Variants in CYP11A1 observed in about 807,000 individuals in gnomAD.
CYP11A1 encodes the protein cytochrome P450 family 11 subfamily A member 1, also known as cholesterol side-chain cleavage enzyme, mitochondrial.
CYP11A1 carries 25 observed loss-of-function variants against 51.9 expected under a neutral mutation model. The observed-to-expected ratio is 0.48, with a 90% CI of 0.35 to 0.67. The LOEUF is 0.67. CYP11A1 is among the 30% of genes least tolerant of loss of function. The pLI, the probability that CYP11A1 is intolerant of heterozygous loss-of-function variation, is 0.00. For missense variants in CYP11A1, 578 were observed against 680.9 expected (o/e 0.85, Z 1.68); for synonymous variants, 245 against 262.1 (o/e 0.93, Z 0.63).
chr15:74,366,276 G>A (rs1449549226), intron 1 of CYP11A1: 12 of 734,816 alleles, frequency 1.6e-5, no homozygotes, highest in Middle Eastern at 8.1e-4. Flanking sequence ...TCCCTCCCCC[G>A]ATTTTTTTTT....
intron 1 of CYP11A1, among the ~76,000 whole-genome samples, chr15:74,357,284 A>G (rs183701526): frequency 3.0e-4 from 45 of 152,310 alleles, no homozygotes; most frequent in Admixed American, 5.2e-4. Flanking sequence ...CCTGGGCTGT[A>G]CTGCTGCAAG....
chr15:74,357,690 CAGAATTCTTACACA>C lies in CYP11A1; in HGVS notation c.269+9613_269+9626del, dbSNP rs564057909. The stretch of plus-strand genomic sequence containing the variant: ...CAGCTGAAGTGCAGGGCTGTGCGGT[CAGAATTCTTACACA>C]AGAGCCAGGACCGCGCCCGGCAGCC... On this transcript the variant is annotated intron_variant, in intron 1 of 8. Transcript: ENST00000268053. Among the ~76,000 whole-genome samples, 5 of 152,316 alleles carry C rather than the reference CAGAATTCTTACACA, an allele frequency of 3.3e-5. No homozygotes were observed. The South Asian group carries it at 1.0e-3, about 32-fold the overall frequency.
In CYP11A1 at chr15:74,339,757, G is replaced by A. The variant is rs375549548; in HGVS notation, c.991-4C>T. 1.4e-5 allele frequency: 23 copies of A among 1,613,960 alleles called. No individual in the cohort carries two copies. In the African/African-American group the frequency reaches 2.4e-4, roughly 17 times the overall value. On this transcript the variant is annotated splice_polypyrimidine_tract_variant and splice_region_variant and intron_variant, in intron 5 of 8. Transcript: ENST00000268053. Reference sequence around the variant, plus strand: ...GCCACTGCAGGGTCATGGACGTCTGGTGGGGAGTAGGGTATACAGAAGACC... The same window carrying A: ...GCCACTGCAGGGTCATGGACGTCTGATGGGGAGTAGGGTATACAGAAGACC...
intron 1 of CYP11A1, among the ~76,000 whole-genome samples, chr15:74,359,919 T>C (rs1253431967): frequency 6.6e-6 from 1 of 152,256 alleles, no homozygotes; most frequent in Non-Finnish European, 1.5e-5. Flanking sequence ...TGTAAGATTT[T>C]AAATTAATTG....
intron 1 of CYP11A1, among the ~76,000 whole-genome samples, chr15:74,351,705 T>C (rs968622075): frequency 1.3e-5 from 2 of 152,228 alleles, no homozygotes; most frequent in African/African-American, 4.8e-5. Context: ...CTCTCCGCAG[T>C]TGCAATGCTG....
At chr15:74,364,478 G>A (rs528500979) in intron 1 of CYP11A1, 1 of 152,166 alleles carries the variant, frequency 6.6e-6, no homozygotes, top group African/African-American at 2.4e-5. Context: ...TTTACATAAG[G>A]TGTATCTGAA....
At chr15:74,366,359 C>T in intron 1 of CYP11A1, 1 of 677,874 alleles carries the variant, frequency 1.5e-6, no homozygotes, top group Non-Finnish European at 1.8e-6. Context: ...TCTCGGCTCA[C>T]TGCAACCTCC....
intron 1 of CYP11A1, among the ~76,000 whole-genome samples, chr15:74,361,046 T>C (rs1439848295): frequency 6.6e-6 from 1 of 152,214 alleles, no homozygotes; most frequent in Non-Finnish European, 1.5e-5. Flanking sequence ...TTCTTTAAAA[T>C]TTCTGAGTCA....
chr15:74,350,587 A>C (rs886956141), intron 1 of CYP11A1, among the ~76,000 whole-genome samples: 1 of 152,254 alleles, frequency 6.6e-6, no homozygotes, highest in Non-Finnish European at 1.5e-5. Context: ...GGCAGGGAAC[A>C]TAAGGCCAAT....
intron 4 of CYP11A1, 46 bp from the exon 5 acceptor site, chr15:74,343,183 G>C (rs368933737): frequency 6.2e-7 from 1 of 1,605,874 alleles, no homozygotes; most frequent in Non-Finnish European, 8.5e-7. Context: ...CCCTGCAGGC[G>C]GGTGGGAAGG....
In CYP11A1 at chr15:74,348,067, G is replaced by A; in HGVS notation, c.270-12C>T. 2.5e-6 allele frequency: 4 copies of A among 1,613,812 alleles called. No individual in the cohort carries two copies. The highest frequency in any genetic ancestry group is 3.4e-6 in the Non-Finnish European group (4 of 1,179,900). On this transcript the variant is annotated splice_polypyrimidine_tract_variant and intron_variant, in intron 1 of 8. Transcript: ENST00000268053. Reference sequence around the variant, plus strand: ...TGCCGAGCTTCTCCCTGGAGGGGTGGGGGAGAGGGGCTGATGGAAGGATCC... The same window carrying A: ...TGCCGAGCTTCTCCCTGGAGGGGTGAGGGAGAGGGGCTGATGGAAGGATCC...
rs376845671 is a variant in CYP11A1 at position 74,338,755 on chromosome 15, A to C, written c.1250T>G (p.Val417Gly). 2.0e-5 allele frequency: 32 copies of C among 1,614,014 alleles called. No homozygotes were observed. The highest frequency in any genetic ancestry group is 5.0e-5 in the Admixed American group (3 of 60,008). ...YMIPAKTLVQ[V>G]AIYALGREPT... ...CTCTCGGCCCAGAGCATAGATGGCC[A>C]CTTGCACCAGTGTCTGGGGCAAGGT... is the stretch of plus-strand genomic sequence containing the variant. Residue 417 changes from valine to glycine, a missense_variant, in exon 8 of 9, where the codon GTG becomes GGG. Transcript: ENST00000268053.
chr15:74,367,178 CAAAAAAAAAA>C, intron 1 of CYP11A1, 129 bp downstream of exon 1: 1 of 693,270 alleles, frequency 1.4e-6, no homozygotes, highest in Non-Finnish European at 2.4e-6. Context: ...ATTGTATTAC[CAAAAAAAAAA>C]AAAAAAAAGA....
In CYP11A1 at chr15:74,345,274, G is replaced by C; in HGVS notation, c.426-31C>G. On this transcript the variant is annotated intron_variant, in intron 2 of 8. Coordinates refer to ENST00000268053, the MANE Select transcript of CYP11A1 (RefSeq NM_000781.3). This position sits in a 1 kb window ranked among gnomAD's most constrained non-coding sequence, Gnocchi z 4.3. ...AAAACATGGGCCCACAAGCCCTCATGGTCACAGACCCCAGGCCTGGTGAAC... is the reference window on the plus strand; with the variant it reads ...AAAACATGGGCCCACAAGCCCTCATCGTCACAGACCCCAGGCCTGGTGAAC... The C allele has an allele frequency of 6.2e-7, 1 of 1,612,902 alleles. No individual in the cohort carries two copies.
intron 1 of CYP11A1, chr15:74,361,341 ATTATG>A (rs756727184): frequency 8.5e-6 from 2 of 234,626 alleles, no homozygotes; most frequent in Non-Finnish European, 1.7e-5. Context: ...CACAATTATA[ATTATG>A]TTAAGTTATT....
chr15:74,349,837 T>C (rs1356005698), intron 1 of CYP11A1, among the ~76,000 whole-genome samples: 1 of 152,144 alleles, frequency 6.6e-6, no homozygotes, highest in African/African-American at 2.4e-5. Flanking sequence ...CCCAGTACTT[T>C]GGGAGGCTGA....
chr15:74,343,261 G>A, intron 4 of CYP11A1, 124 bp from the exon 5 acceptor site: 4 of 950,428 alleles, frequency 4.2e-6, no homozygotes, highest in Non-Finnish European at 6.7e-6. Flanking sequence ...TTCTTAGGCT[G>A]CCGTTTTACT....
At position 74,358,276 on chromosome 15, in the gene CYP11A1, T is replaced by C. The variant is rs375552661; in HGVS notation, c.269+9041A>G. On this transcript the variant is annotated intron_variant, in intron 1 of 8. Transcript: ENST00000268053. ...ATCCCTCACAGCCAGTTTTTCTCCT[T>C]CTCATCGGTCACTCCCACCTACTCC... Among the ~76,000 whole-genome samples, 92 of 152,236 alleles carry C rather than the reference T, an allele frequency of 6.0e-4. 2 individuals carry two copies. The South Asian group carries it at 0.017, about 29-fold the overall frequency.
intron 1 of CYP11A1, among the ~76,000 whole-genome samples, chr15:74,360,425 C>T (rs1023716027): frequency 2.0e-5 from 3 of 152,064 alleles, no homozygotes; most frequent in East Asian, 1.9e-4. Flanking sequence ...GAATTACAGA[C>T]GCCCGCCACC....
Sources: allele counts gnomAD v4.1 joint callset (sites outside exome capture counted in the v4.1 genomes callset), GRCh38; gene constraint gnomAD v4.1.1; non-coding constraint Gnocchi (gnomAD v3.1); transcripts MANE v1.5; gene names NCBI Gene and HGNC (gene_info 2026-07-23, HGNC 2026-07-21).